TTC27: variants seen among roughly 807,000 people sequenced by gnomAD.
The protein encoded by TTC27 is tetratricopeptide repeat protein 27.
In TTC27, 79 loss-of-function variants were observed where a neutral mutation model predicts 115.9. That is an observed-to-expected ratio of 0.68 (90% CI 0.57 to 0.82). The LOEUF is 0.82. TTC27 is among the 40% of genes least tolerant of loss of function. TTC27 has a pLI of 0.00. For missense variants in TTC27, 1,054 were observed against 993.1 expected (o/e 1.06, Z -0.82); for synonymous variants, 401 against 356.0 (o/e 1.13, Z -1.42).
intron 7 of TTC27, among the ~76,000 whole-genome samples, chr2:32,667,945 T>C (rs1374216229): frequency 1.3e-5 from 2 of 151,438 alleles, no homozygotes; most frequent in African/African-American, 2.4e-5. Context: ...TCCCAGCACT[T>C]TGGGAGGCCA....
At chr2:32,669,183 G>A (rs1174182838) in intron 7 of TTC27, among the ~76,000 whole-genome samples, 2 of 152,198 alleles carry the variant, frequency 1.3e-5, no homozygotes, top group Non-Finnish European at 2.9e-5. Context: ...GTAGAGATGG[G>A]GTTTCACCGT....
intron 18 of TTC27, among the ~76,000 whole-genome samples, chr2:32,814,463 C>T (rs748373205): frequency 2.0e-5 from 3 of 152,162 alleles, no homozygotes; most frequent in Non-Finnish European, 4.4e-5. Context: ...AAATCTTAAT[C>T]ATTTCCTTGT....
chr2:32,759,961 G>A (rs910322548), intron 13 of TTC27, among the ~76,000 whole-genome samples: 5 of 152,182 alleles, frequency 3.3e-5, no homozygotes, highest in East Asian at 1.9e-4. Flanking sequence ...TCCATTTTAT[G>A]TACATACTTC....
chr2:32,644,344 C>T (rs1664769116), intron 4 of TTC27, among the ~76,000 whole-genome samples: 2 of 150,222 alleles, frequency 1.3e-5, no homozygotes, highest in Non-Finnish European at 3.0e-5. Flanking sequence ...GAGTGAGACT[C>T]TGTCTCCAAA....
chr2:32,720,754 T>G (rs1038030755), intron 10 of TTC27, among the ~76,000 whole-genome samples: 5 of 152,204 alleles, frequency 3.3e-5, no homozygotes, highest in African/African-American at 1.2e-4. Flanking sequence ...ACCGGAAATA[T>G]GTTCACTCTG....
At chr2:32,703,347 A>T (rs1667256598) in intron 10 of TTC27, among the ~76,000 whole-genome samples, 1 of 152,108 alleles carries the variant, frequency 6.6e-6, no homozygotes, top group South Asian at 2.1e-4. Flanking sequence ...GGTGCCTGTA[A>T]TCCCAGCCAC....
intron 13 of TTC27, among the ~76,000 whole-genome samples, chr2:32,768,418 G>T (rs1225767435): frequency 6.6e-6 from 1 of 152,176 alleles, no homozygotes; most frequent in Non-Finnish European, 1.5e-5. Context: ...TTTCAAAAGT[G>T]TTGCAGTTTG....
chr2:32,766,100 C>G (rs1027923721), intron 13 of TTC27, among the ~76,000 whole-genome samples: 1 of 152,218 alleles, frequency 6.6e-6, no homozygotes, highest in African/African-American at 2.4e-5. Context: ...TACAGGAGGC[C>G]CAGCTTTCGG....
At chr2:32,682,923 G>A (rs1452662279) in intron 9 of TTC27, among the ~76,000 whole-genome samples, 71 of 131,844 alleles carry the variant, frequency 5.4e-4, no homozygotes, top group African/African-American at 1.7e-3. Flanking sequence ...GCGCGATCTC[G>A]GCTCACTGCA....
At chr2:32,782,711 C>T (rs1379318209) in intron 15 of TTC27, 33 bp downstream of exon 15, 1 of 1,544,456 alleles carries the variant, frequency 6.5e-7, no homozygotes, top group Non-Finnish European at 8.9e-7. Flanking sequence ...AAGAAATTTG[C>T]TTCCCAAATA....
intron 10 of TTC27, among the ~76,000 whole-genome samples, chr2:32,714,686 G>A (rs973508479): frequency 6.6e-6 from 1 of 152,116 alleles, no homozygotes; most frequent in African/African-American, 2.4e-5. Flanking sequence ...CACAATGGCT[G>A]AACTAATTTA....
At chr2:32,796,116 G>A (rs770647516) in intron 16 of TTC27, among the ~76,000 whole-genome samples, 1 of 152,128 alleles carries the variant, frequency 6.6e-6, no homozygotes, top group African/African-American at 2.4e-5. Context: ...ATAGTAGCAG[G>A]ATGCAAAGTC....
At chr2:32,646,604 C>G (rs967861493) in intron 4 of TTC27, among the ~76,000 whole-genome samples, 1 of 129,458 alleles carries the variant, frequency 7.7e-6, no homozygotes, top group Non-Finnish European at 1.6e-5. Flanking sequence ...CTGTCTGTCT[C>G]CCAGGCTGGA....
At chr2:32,631,267 C>T (rs1312006241) in intron 2 of TTC27, among the ~76,000 whole-genome samples, 1 of 152,100 alleles carries the variant, frequency 6.6e-6, no homozygotes, top group Non-Finnish European at 1.5e-5. Flanking sequence ...CCCGCCATTG[C>T]ACTCTAGCCT....
chr2:32,666,694 G>A lies in TTC27; in HGVS notation c.865G>A (p.Val289Ile), dbSNP rs1665789511. The A allele has an allele frequency of 1.2e-6, 2 of 1,614,060 alleles. No individual in the cohort carries two copies. Among genetic ancestry groups the A allele is most frequent in the Non-Finnish European group, 1.7e-6 (2 of 1,179,972 alleles). The change falls in exon 7 of 20, where the codon GTA (valine) becomes ATA (isoleucine). Residue 289 changes from valine (V) to isoleucine (I), a missense_variant. Coordinates refer to ENST00000317907, the MANE Select transcript of TTC27 (RefSeq NM_017735.5). ...ENYVAQLILDVRREGDVLSNC... is the reference protein window; with the variant it reads ...ENYVAQLILDIRREGDVLSNC... ...TTATGTGGCACAACTGATTCTAGAT[G>A]TAAGAAGGGAAGGGGATGTCCTTTC... is the stretch of plus-strand genomic sequence containing the variant.
chr2:32,708,737 T>C (rs1468098423), intron 10 of TTC27, among the ~76,000 whole-genome samples: 2 of 152,088 alleles, frequency 1.3e-5, no homozygotes, highest in Non-Finnish European at 2.9e-5. Flanking sequence ...CCTGAAACCA[T>C]GTTTTTTTAG....
chr2:32,787,808 CTAAATAAA>C (rs34416911), intron 16 of TTC27, among the ~76,000 whole-genome samples: 1 of 151,006 alleles, frequency 6.6e-6, no homozygotes, highest in Non-Finnish European at 1.5e-5. Flanking sequence ...AACTCTGTCT[CTAAATAAA>C]TAAATAAATA....
intron 10 of TTC27, among the ~76,000 whole-genome samples, chr2:32,724,683 T>G (rs1668048445): frequency 6.6e-6 from 1 of 152,200 alleles, no homozygotes; most frequent in Non-Finnish European, 1.5e-5. Context: ...TGGAACATTA[T>G]TTTTGCTTGA....
At position 32,817,569 on chromosome 2, in the gene TTC27, A is replaced by G. The variant is rs1408834802; in HGVS notation, c.2409+12A>G. The stretch of plus-strand genomic sequence containing the variant: ...TATCTAAAGCAAAGGTGAGAGTGAC[A>G]TGTGAATTAATTGGAATTGTCATAT... On this transcript the variant is annotated intron_variant, in intron 19 of 19. Transcript: ENST00000317907. The G allele has an allele frequency of 1.9e-6, 3 of 1,602,760 alleles. No homozygotes were observed. The African/African-American group carries it at 4.0e-5, about 21-fold the overall frequency.
Sources: allele counts gnomAD v4.1 joint callset (sites outside exome capture counted in the v4.1 genomes callset), GRCh38; gene constraint gnomAD v4.1.1; transcripts MANE v1.5; gene names NCBI Gene and HGNC (gene_info 2026-07-23, HGNC 2026-07-21).